The following RBM25 variants were observed in gnomAD, a reference collection of about 807,000 sequenced individuals.
The protein encoded by RBM25 is RNA binding motif protein 25, also known as RNA-binding protein 25.
A neutral mutation model predicts 120.7 loss-of-function variants in RBM25; 19 were observed. The ratio of observed to expected loss-of-function variants is 0.16; its 90% CI spans 0.11 to 0.23. The LOEUF is 0.23. Ranked by LOEUF, RBM25 falls within the 10% of genes least tolerant of loss-of-function variation. The probability of loss-of-function intolerance (pLI) is 1.00; values close to 1 mark genes in which losing one functional copy is unlikely to be tolerated. For synonymous variants in RBM25, 390 were observed against 326.7 expected (o/e 1.19, Z -2.09); for missense variants, 605 against 1,041.5 (o/e 0.58, Z 5.77).
Position 73,120,907 on chromosome 14 carries a change from CACTA to C in RBM25, c.*1107_*1110del, listed in dbSNP as rs1398913146. 6.6e-6 allele frequency: 1 copy of C among 152,076 alleles called. No individual in the cohort carries two copies. Among genetic ancestry groups the C allele is most frequent in the Non-Finnish European group, 1.5e-5 (1 of 68,002 alleles). The allele number at this position is 152,076 out of a possible 1,614,324, so 9.4% of individuals were successfully genotyped here. A position where few individuals can be genotyped will look rare whatever the true frequency, so the allele number is the denominator to read the frequency against. Reference sequence around the variant, plus strand: ...TAAATCATTCAAGGCAGTTACCAACCACTAACTATTTGTTTTCATTTTTGTCTTG... The same window carrying C: ...TAAATCATTCAAGGCAGTTACCAACCACTATTTGTTTTCATTTTTGTCTTG... On this transcript the variant is annotated 3_prime_UTR_variant, in exon 19 of 19. Transcript: ENST00000261973.
At chr14:73,068,088 A>C in intron 1 of RBM25, 1 of 619,240 alleles carries the variant, frequency 1.6e-6, no homozygotes. Flanking sequence ...CACATGAGCT[A>C]CGACCACCCC....
At chr14:73,071,776 T>G in intron 2 of RBM25, 29 bp downstream of exon 2, 1 of 1,533,634 alleles carries the variant, frequency 6.5e-7, no homozygotes, top group South Asian at 1.1e-5. Flanking sequence ...TTTTTTGTCG[T>G]TAAACTTGTA....
chr14:73,084,460 T>C (rs909971911), intron 5 of RBM25, among the ~76,000 whole-genome samples: 4 of 152,234 alleles, frequency 2.6e-5, no homozygotes, highest in African/African-American at 4.8e-5. Context: ...GCTCCAGTAC[T>C]ATAATTTGCC....
chr14:73,103,149 G>A (rs776183840), intron 9 of RBM25, 43 bp from the exon 10 acceptor site: 5 of 1,579,558 alleles, frequency 3.2e-6, no homozygotes, highest in Admixed American at 1.9e-5. Context: ...CTGAATACTG[G>A]AGCTACAGAG....
chr14:73,108,042 A>G (rs1329620849), intron 13 of RBM25, 143 bp downstream of exon 13: 4 of 654,158 alleles, frequency 6.1e-6, no homozygotes, highest in Non-Finnish European at 2.7e-6. Flanking sequence ...TTCTATAGCT[A>G]ATACACTGTT....
intron 6 of RBM25, among the ~76,000 whole-genome samples, chr14:73,092,945 AT>A (rs1895851676): frequency 1.3e-5 from 2 of 152,084 alleles, no homozygotes; most frequent in Admixed American, 1.3e-4. Flanking sequence ...TTTAATTTAG[AT>A]TTTGCAGAAT....
At chr14:73,089,574 C>G (rs374108631) in intron 6 of RBM25, among the ~76,000 whole-genome samples, 17 of 152,034 alleles carry the variant, frequency 1.1e-4, no homozygotes, top group East Asian at 9.6e-4. Flanking sequence ...AGGCTGGTCT[C>G]GAACTCCTGA....
chr14:73,082,365 C>T (rs1307182807), intron 4 of RBM25, among the ~76,000 whole-genome samples: 1 of 152,132 alleles, frequency 6.6e-6, no homozygotes, highest in Non-Finnish European at 1.5e-5. Context: ...GATTACAGCT[C>T]ACTGCAGCCT....
At chr14:73,077,904 G>A (rs10146572) in intron 4 of RBM25, among the ~76,000 whole-genome samples, 43,205 of 152,120 alleles carry the variant, frequency 0.28, 6,210 homozygotes, top group African/African-American at 0.32. Context: ...TTTTGCCTGT[G>A]GTTGTCATCC....
chr14:73,072,704 A>G (rs565988320), intron 2 of RBM25, among the ~76,000 whole-genome samples: 2 of 152,294 alleles, frequency 1.3e-5, no homozygotes, highest in African/African-American at 2.4e-5. Context: ...TGTCTTGGCT[A>G]TTCAGGAGAC....
intron 17 of RBM25, among the ~76,000 whole-genome samples, chr14:73,113,583 C>T (rs1401708265): frequency 1.3e-5 from 2 of 151,570 alleles, no homozygotes; most frequent in Non-Finnish European, 2.9e-5. Context: ...CCCAGCTACT[C>T]GGGAGGCTGA....
intron 1 of RBM25, among the ~76,000 whole-genome samples, chr14:73,061,098 C>T (rs186527040): frequency 1.3e-5 from 2 of 150,108 alleles, no homozygotes; most frequent in African/African-American, 2.4e-5. Context: ...CGCTCTGTCA[C>T]CCAGGCTGGA....
intron 9 of RBM25, chr14:73,100,000 A>C: frequency 8.0e-6 from 4 of 502,104 alleles, no homozygotes; most frequent in Non-Finnish European, 1.3e-5. Context: ...ATAGAAGCTA[A>C]TTTTATTTTT....
chr14:73,105,149 A>C (rs1287444868), intron 10 of RBM25, among the ~76,000 whole-genome samples: 1 of 90,588 alleles, frequency 1.1e-5, no homozygotes, highest in Non-Finnish European at 2.2e-5. Flanking sequence ...TTTTTTGGAG[A>C]CGGGCTGGAG....
intron 4 of RBM25, 68 bp downstream of exon 4, chr14:73,077,604 A>G (rs1895452778): frequency 1.4e-6 from 2 of 1,390,148 alleles, no homozygotes; most frequent in East Asian, 2.5e-5. Flanking sequence ...TTAAGCAGAA[A>G]GAAGACTTTC....
chr14:73,097,357 T>G (rs1409039676), intron 7 of RBM25, among the ~76,000 whole-genome samples: 1 of 152,002 alleles, frequency 6.6e-6, no homozygotes, highest in Non-Finnish European at 1.5e-5. Flanking sequence ...TCCGCCACCA[T>G]GCCCGGCTAA....
intron 6 of RBM25, among the ~76,000 whole-genome samples, chr14:73,090,950 C>CA (rs1206524489): frequency 1.3e-5 from 2 of 152,264 alleles, no homozygotes; most frequent in South Asian, 2.1e-4. Flanking sequence ...ACTAAAACCT[C>CA]AAAAAACAGA....
chr14:73,102,741 A>T (rs1331807002), intron 9 of RBM25: 2 of 158,740 alleles, frequency 1.3e-5, no homozygotes, highest in African/African-American at 4.8e-5. Context: ...GTATTCTTCT[A>T]TACCACTTGC....
At chr14:73,070,022 A>G (rs902422537) in intron 1 of RBM25, 4 of 151,932 alleles carry the variant, frequency 2.6e-5, no homozygotes, top group South Asian at 2.1e-4. Context: ...TAAAATGACA[A>G]AGTTTTCTTT....
Sources: gnomAD v4.1 joint callset for allele counts (sites outside exome capture counted in the v4.1 genomes callset) on GRCh38, gnomAD v4.1.1 for gene constraint, MANE v1.5 for transcripts, NCBI Gene and HGNC (gene_info 2026-07-23, HGNC 2026-07-21) for gene names.